SPRY3: variants seen among roughly 807,000 people sequenced by gnomAD.
The protein encoded by SPRY3 is protein sprouty homolog 3.
Under a neutral mutation model 20.2 loss-of-function variants are expected in SPRY3, and 15 were observed. That is an observed-to-expected ratio of 0.74 (90% CI 0.50 to 1.14). The LOEUF (loss-of-function observed/expected upper bound fraction) is 1.14, where lower values mean the gene tolerates loss of function less well. SPRY3 is among the 50% of genes most tolerant of loss of function. The pLI, the probability that SPRY3 is intolerant of heterozygous loss-of-function variation, is 0.00. For synonymous variants in SPRY3, 143 were observed against 136.5 expected (o/e 1.05, Z -0.33); for missense variants, 364 against 363.9 (o/e 1.00, Z 0.00).
intron 2 of SPRY3, among the ~76,000 whole-genome samples, chrX:155,671,025 A>G (rs2068038768): frequency 8.9e-6 from 1 of 111,770 alleles, no homozygotes; most frequent in South Asian, 3.7e-4. Flanking sequence ...TACATTTGCC[A>G]TACAATGTGA....
chrX:155,624,690 C>G (rs1382917632), intron 1 of SPRY3, among the ~76,000 whole-genome samples: 1 of 111,483 alleles, frequency 9.0e-6, no homozygotes, highest in East Asian at 2.8e-4. Context: ...TGTTATTTAG[C>G]AGGCCTGATA....
intron 2 of SPRY3, among the ~76,000 whole-genome samples, chrX:155,761,280 A>G (rs886160403): frequency 1.3e-5 from 2 of 152,140 alleles, no homozygotes; most frequent in African/African-American, 4.8e-5. Flanking sequence ...GACAATGTGT[A>G]TCCTGATTCC....
Position 155,624,517 on chromosome X carries a change from C to CTATCATCT in SPRY3, c.-441+11870_-441+11871insTATCATCT, listed in dbSNP as rs782592674. The stretch of plus-strand genomic sequence containing the variant: ...TTGCATCTATCATCTATTTATCTAT[C>CTATCATCT]ATCTATCTATCTATCTATCTATCTA... On this transcript the variant is annotated intron_variant, in intron 1 of 3. Coordinates refer to ENST00000675360, the Ensembl canonical transcript of SPRY3. 2.8e-3 allele frequency among the ~76,000 whole-genome samples: 282 copies of CTATCATCT among 102,289 alleles called. 2 individuals carry two copies. Among genetic ancestry groups the CTATCATCT allele is most frequent in the African/African-American group, 9.6e-3 (270 of 28,051 alleles). 88.8% of individuals were successfully genotyped at this position (102,289 alleles called of 115,157 possible). A position where few individuals can be genotyped will look rare whatever the true frequency, so the allele number is the denominator to read the frequency against.
chrX:155,662,070 C>T (rs1401768087), intron 2 of SPRY3, among the ~76,000 whole-genome samples: 7 of 111,970 alleles, frequency 6.3e-5, no homozygotes, highest in Non-Finnish European at 1.3e-4. Flanking sequence ...GAATCCATTG[C>T]TAGAGAGCTA....
Position 155,650,744 on chromosome X carries a change from G to A in SPRY3, c.-440-6123G>A, listed in dbSNP as rs782371405. 3.6e-5 allele frequency among the ~76,000 whole-genome samples: 4 copies of A among 111,732 alleles called. No homozygotes were observed. The East Asian group carries it at 1.1e-3, about 32-fold the overall frequency. The stretch of plus-strand genomic sequence containing the variant: ...AAGCCTTCAGCTGCAGCAGTTTGGG[G>A]ATCTGACATGCGGTTTGATGGAGTG... On this transcript the variant is annotated intron_variant, in intron 1 of 3. Transcript: ENST00000675360.
Position 155,652,351 on chromosome X carries a change from AT to A in SPRY3, c.-440-4506del, listed in dbSNP as rs1249836653. On this transcript the variant is annotated intron_variant, in intron 1 of 3. Transcript: ENST00000675360. Reference sequence around the variant, plus strand: ...TAGGTCTGATTCATTCTTTCTAACTATTTTTTTTTTATCCATTAACTATCCC... The same window carrying A: ...TAGGTCTGATTCATTCTTTCTAACTATTTTTTTTTATCCATTAACTATCCC... Among the ~76,000 whole-genome samples, 147 of 107,621 alleles carry A rather than the reference AT, an allele frequency of 1.4e-3. 2 individuals are homozygous for A. The South Asian group carries it at 0.023, about 17-fold the overall frequency. The allele number at this position is 107,621 out of a possible 115,157, so 93.5% of individuals were successfully genotyped here.
At chrX:155,647,882 C>T (rs2067962789) in intron 1 of SPRY3, among the ~76,000 whole-genome samples, 1 of 111,968 alleles carries the variant, frequency 8.9e-6, no homozygotes, top group African/African-American at 3.2e-5. Context: ...AATTGCCACA[C>T]TGTCTTCCAC....
intron 2 of SPRY3, among the ~76,000 whole-genome samples, chrX:155,730,590 T>C (rs769989724): frequency 1.3e-5 from 2 of 151,634 alleles, no homozygotes; most frequent in South Asian, 2.1e-4. Context: ...TCATGCTGAA[T>C]GGGGATCAGA....
At chrX:155,688,903 A>G (rs866984179) in intron 2 of SPRY3, among the ~76,000 whole-genome samples, 5 of 87,212 alleles carry the variant, frequency 5.7e-5, no homozygotes, top group Non-Finnish European at 1.1e-4. Flanking sequence ...GCTACCACTT[A>G]TAAGTGAGAA....
At chrX:155,713,704 A>T (rs2062449788) in intron 2 of SPRY3, among the ~76,000 whole-genome samples, 1 of 152,066 alleles carries the variant, frequency 6.6e-6, no homozygotes, top group South Asian at 2.1e-4. Context: ...TTAGTGTTGT[A>T]TAAGCTTCTT....
intron 1 of SPRY3, among the ~76,000 whole-genome samples, chrX:155,652,478 C>A (rs1282538332): frequency 9.0e-6 from 1 of 111,385 alleles, no homozygotes; most frequent in Non-Finnish European, 1.9e-5. Context: ...CTTTTAGATC[C>A]CACAAATAAG....
chrX:155,697,544 T>C (rs1267006098), intron 2 of SPRY3, among the ~76,000 whole-genome samples: 1 of 107,536 alleles, frequency 9.3e-6, no homozygotes, highest in African/African-American at 3.4e-5. Flanking sequence ...TATACACATA[T>C]ATATCTGATT....
At chrX:155,767,174 C>T (rs1300605391) in intron 2 of SPRY3, among the ~76,000 whole-genome samples, 1 of 151,992 alleles carries the variant, frequency 6.6e-6, no homozygotes, top group African/African-American at 2.4e-5. Context: ...TGGATGACGC[C>T]ACTTCGCCAA....
chrX:155,714,007 C>G (rs1188707704), intron 2 of SPRY3, among the ~76,000 whole-genome samples: 1 of 152,140 alleles, frequency 6.6e-6, no homozygotes, highest in Non-Finnish European at 1.5e-5. Context: ...TTCAGCATGT[C>G]AGTTGCATTT....
intron 2 of SPRY3, among the ~76,000 whole-genome samples, chrX:155,720,073 C>A (rs1449622737): frequency 6.6e-6 from 1 of 152,106 alleles, no homozygotes; most frequent in African/African-American, 2.4e-5. Context: ...CATTGCCCTG[C>A]AGGGTAAGTC....
At chrX:155,656,289 T>A (rs2067992034) in intron 1 of SPRY3, among the ~76,000 whole-genome samples, 1 of 111,240 alleles carries the variant, frequency 9.0e-6, no homozygotes, top group Admixed American at 9.6e-5. Flanking sequence ...GGAGGCTTTG[T>A]TTGCTCCTTT....
At chrX:155,751,953 TA>T (rs1342991498) in intron 2 of SPRY3, among the ~76,000 whole-genome samples, 1 of 139,030 alleles carries the variant, frequency 7.2e-6, no homozygotes, top group Non-Finnish European at 1.6e-5. Context: ...TAAAATAAAA[TA>T]AAATAAAATA....
intron 2 of SPRY3, among the ~76,000 whole-genome samples, chrX:155,706,582 G>T (rs1053186042): frequency 2.1e-4 from 32 of 149,760 alleles, no homozygotes; most frequent in Non-Finnish European, 3.4e-4. Context: ...CAACAAAATT[G>T]ATAGACCTTT....
intron 3 of SPRY3, among the ~76,000 whole-genome samples, chrX:155,772,443 T>C (rs759151547): frequency 1.7e-4 from 26 of 152,294 alleles, no homozygotes; most frequent in Middle Eastern, 3.4e-3. Flanking sequence ...TCATTCAAGC[T>C]ATCCATCACA....
Sources: allele counts gnomAD v4.1 joint callset (sites outside exome capture counted in the v4.1 genomes callset), GRCh38; gene constraint gnomAD v4.1.1; transcripts MANE v1.5; gene names NCBI Gene and HGNC (gene_info 2026-07-23, HGNC 2026-07-21).